The following SYN3 variants were observed in gnomAD, a reference collection of about 807,000 sequenced individuals.
The protein encoded by SYN3 is synapsin III.
SYN3 carries 35 observed loss-of-function variants against 65.8 expected under a neutral mutation model. The ratio of observed to expected loss-of-function variants is 0.53; its 90% CI spans 0.41 to 0.70. The LOEUF is 0.70. Among genes scored for constraint, SYN3 ranks in the 30% least tolerant of loss-of-function variants. The pLI is 0.00. For missense variants in SYN3, 680 were observed against 749.0 expected (o/e 0.91, Z 1.08); for synonymous variants, 270 against 292.9 (o/e 0.92, Z 0.80).
chr22:32,799,945 G>A (rs2046523551), intron 6 of SYN3, among the ~76,000 whole-genome samples: 1 of 152,190 alleles, frequency 6.6e-6, no homozygotes, highest in Non-Finnish European at 1.5e-5. Flanking sequence ...TCGAGAGACA[G>A]AAACATCTCT....
At chr22:32,899,217 T>A (rs978813884) in intron 4 of SYN3, among the ~76,000 whole-genome samples, 3 of 152,106 alleles carry the variant, frequency 2.0e-5, no homozygotes, top group Admixed American at 2.0e-4. Flanking sequence ...TCCTAGCGGG[T>A]GGTTCACAAA....
At chr22:32,612,147 A>T (rs867744221) in intron 6 of SYN3, among the ~76,000 whole-genome samples, 4 of 152,150 alleles carry the variant, frequency 2.6e-5, no homozygotes, top group Non-Finnish European at 5.9e-5. Flanking sequence ...ACTGTTCTTT[A>T]TATCCTTTCT....
intron 6 of SYN3, among the ~76,000 whole-genome samples, chr22:32,611,212 C>A (rs536046521): frequency 1.3e-5 from 2 of 150,816 alleles, no homozygotes; most frequent in Admixed American, 6.6e-5. Flanking sequence ...TGTGTGAAAC[C>A]TTTTCCGTCT....
chr22:32,928,361 TTACCCCTAACC>T (rs2050535523), intron 4 of SYN3, among the ~76,000 whole-genome samples: 2 of 152,108 alleles, frequency 1.3e-5, no homozygotes, highest in African/African-American at 4.8e-5. Flanking sequence ...AATGCATTTA[TTACCCCTAACC>T]TACCAAACAT....
intron 4 of SYN3, among the ~76,000 whole-genome samples, chr22:32,875,644 C>T (rs186879035): frequency 6.6e-6 from 1 of 152,196 alleles, no homozygotes; most frequent in East Asian, 1.9e-4. Context: ...GAGGGAAATT[C>T]GGAAACAGAC....
At chr22:32,707,759 A>G (rs554350071) in intron 6 of SYN3, among the ~76,000 whole-genome samples, 1 of 152,250 alleles carries the variant, frequency 6.6e-6, no homozygotes, top group Non-Finnish European at 1.5e-5. Flanking sequence ...AGTCTTCTAG[A>G]CAATGCCTTA....
chr22:32,849,611 G>A lies in SYN3; in HGVS notation c.711+15304C>T. The A allele has an allele frequency of 9.7e-6, 13 of 1,341,170 alleles. No individual in the cohort carries two copies. In the South Asian group the frequency reaches 1.5e-4, roughly 15 times the overall value. The allele number at this position is 1,341,170 out of a possible 1,614,324, so 83.1% of individuals were successfully genotyped here. A position where few individuals can be genotyped will look rare whatever the true frequency, so the allele number is the denominator to read the frequency against. On this transcript the variant is annotated intron_variant, in intron 6 of 13. Coordinates refer to ENST00000358763, the MANE Select transcript of SYN3 (RefSeq NM_003490.4). ...AAGAGTCCTGGCTAAGGGAGGCAAA[G>A]TGGGTTGGAACTGGGGTGTGTGTCT... is the stretch of plus-strand genomic sequence containing the variant.
chr22:32,658,145 G>T (rs3788476), intron 6 of SYN3, among the ~76,000 whole-genome samples: 40,999 of 152,126 alleles, frequency 0.27, 7,457 homozygotes, highest in East Asian at 0.71. Flanking sequence ...CCATTCTTAC[G>T]GTGAACAGGC....
At chr22:32,807,365 A>G (rs2046780501) in intron 6 of SYN3, among the ~76,000 whole-genome samples, 1 of 86,308 alleles carries the variant, frequency 1.2e-5, no homozygotes. Flanking sequence ...AATATATAAT[A>G]TATATTATAT....
intron 11 of SYN3, among the ~76,000 whole-genome samples, chr22:32,528,664 G>T (rs1436800322): frequency 1.3e-5 from 2 of 152,158 alleles, no homozygotes; most frequent in Non-Finnish European, 2.9e-5. Flanking sequence ...GTGAAGAAGG[G>T]AAGGGGCCTC....
intron 7 of SYN3, among the ~76,000 whole-genome samples, chr22:32,591,526 G>A (rs2059127846): frequency 1.3e-5 from 2 of 152,210 alleles, no homozygotes; most frequent in Non-Finnish European, 1.5e-5. Flanking sequence ...TTAATGCAGA[G>A]TTTTCCAAAC....
At chr22:32,945,351 C>T (rs2051073816) in intron 3 of SYN3, among the ~76,000 whole-genome samples, 1 of 151,834 alleles carries the variant, frequency 6.6e-6, no homozygotes, top group Admixed American at 6.6e-5. Context: ...AGATATAGAC[C>T]AATGGAACAG....
chr22:32,604,021 G>A (rs1453561173), intron 6 of SYN3, among the ~76,000 whole-genome samples: 1 of 152,210 alleles, frequency 6.6e-6, no homozygotes, highest in Non-Finnish European at 1.5e-5. Flanking sequence ...GTTCCCTTGG[G>A]AGGATTAGAG....
chr22:32,616,544 C>T (rs1455066932), intron 6 of SYN3, among the ~76,000 whole-genome samples: 1 of 152,082 alleles, frequency 6.6e-6, no homozygotes, highest in African/African-American at 2.4e-5. Flanking sequence ...TAATAGCATC[C>T]CTAGTTCACA....
At position 32,508,598 on chromosome 22, in the gene SYN3, G is replaced by A. The variant is rs2057658183; in HGVS notation, c.*5094C>T. Among the ~76,000 whole-genome samples the A allele has an allele frequency of 6.6e-6, 1 of 152,174 alleles. No homozygotes were observed. The highest frequency in any genetic ancestry group is 2.1e-4 in the South Asian group (1 of 4,822). ...GAGGTCTTTTTGAGGTTGAAAACCT[G>A]CCATTGATCTTCTTCCGCTTCTTTT... On this transcript the variant is annotated 3_prime_UTR_variant, in exon 14 of 14. Coordinates refer to ENST00000358763, the MANE Select transcript of SYN3 (RefSeq NM_003490.4).
chr22:32,626,740 G>A (rs2059671563), intron 6 of SYN3, among the ~76,000 whole-genome samples: 1 of 152,188 alleles, frequency 6.6e-6, no homozygotes, highest in African/African-American at 2.4e-5. Context: ...ACCCCCTTAT[G>A]TTATGGAGGA....
intron 3 of SYN3, among the ~76,000 whole-genome samples, chr22:32,964,726 T>C (rs929816576): frequency 6.6e-6 from 1 of 152,170 alleles, no homozygotes; most frequent in African/African-American, 2.4e-5. Context: ...ATGAGGGCAA[T>C]GAAAAGCACA....
intron 6 of SYN3, among the ~76,000 whole-genome samples, chr22:32,615,888 T>A (rs759552650): frequency 6.6e-6 from 1 of 152,194 alleles, no homozygotes; most frequent in Non-Finnish European, 1.5e-5. Flanking sequence ...GCTTCTCAGC[T>A]GCAAAGTGGA....
chr22:32,607,086 G>A (rs2059383450), intron 6 of SYN3, among the ~76,000 whole-genome samples: 1 of 145,308 alleles, frequency 6.9e-6, no homozygotes, highest in South Asian at 2.3e-4. Flanking sequence ...TCAGAAGTCA[G>A]CTCCAACATC....
Sources: allele counts gnomAD v4.1 joint callset (sites outside exome capture counted in the v4.1 genomes callset), GRCh38; gene constraint gnomAD v4.1.1; transcripts MANE v1.5; gene names NCBI Gene and HGNC (gene_info 2026-07-23, HGNC 2026-07-21).